Variants in GALNTL6 observed in about 807,000 individuals in gnomAD.
The protein encoded by GALNTL6 is polypeptide N-acetylgalactosaminyltransferase like 6.
A neutral mutation model predicts 73.7 loss-of-function variants in GALNTL6; 46 were observed. The observed-to-expected ratio is 0.62, with a 90% CI of 0.49 to 0.80. GALNTL6 has a LOEUF of 0.80. GALNTL6 is among the 30% of genes least tolerant of loss of function. The probability of loss-of-function intolerance (pLI) is 0.00; values close to 1 mark genes in which losing one functional copy is unlikely to be tolerated. For missense variants in GALNTL6, 604 were observed against 755.0 expected (o/e 0.80, Z 2.34); for synonymous variants, 259 against 263.7 (o/e 0.98, Z 0.17).
chr4:172,334,763 G>T (rs1046752211), intron 4 of GALNTL6, among the ~76,000 whole-genome samples: 1 of 152,094 alleles, frequency 6.6e-6, no homozygotes, highest in African/African-American at 2.4e-5. Flanking sequence ...AGTACATGTT[G>T]AAAAGGAATG....
At chr4:172,963,321 C>T (rs1226253444) in intron 10 of GALNTL6, among the ~76,000 whole-genome samples, 1 of 152,108 alleles carries the variant, frequency 6.6e-6, no homozygotes, top group Non-Finnish European at 1.5e-5. Context: ...GCAACAACAC[C>T]CACACACATC....
intron 10 of GALNTL6, among the ~76,000 whole-genome samples, chr4:172,989,359 T>C (rs886211166): frequency 1.3e-5 from 2 of 152,198 alleles, no homozygotes; most frequent in African/African-American, 4.8e-5. Flanking sequence ...CTTTTGACTA[T>C]GAACTTTTGA....
intron 2 of GALNTL6, among the ~76,000 whole-genome samples, chr4:172,130,152 G>C (rs1733447388): frequency 6.6e-6 from 1 of 150,992 alleles, no homozygotes; most frequent in South Asian, 2.1e-4. Context: ...AGGTTGGACA[G>C]GCAGTTGTTG....
chr4:172,284,709 A>G (rs1579332339), intron 3 of GALNTL6, among the ~76,000 whole-genome samples: 2 of 152,118 alleles, frequency 1.3e-5, no homozygotes, highest in South Asian at 4.1e-4. Context: ...GCATGTGGCT[A>G]TCTAATTTTC....
chr4:172,956,170 T>C (rs1405701132), intron 10 of GALNTL6, among the ~76,000 whole-genome samples: 1 of 152,152 alleles, frequency 6.6e-6, no homozygotes, highest in Non-Finnish European at 1.5e-5. Context: ...GCGATGTTTC[T>C]CAGGGCTGCT....
chr4:171,925,500 A>G (rs1004395547), intron 2 of GALNTL6, among the ~76,000 whole-genome samples: 1 of 152,156 alleles, frequency 6.6e-6, no homozygotes, highest in African/African-American at 2.4e-5. Context: ...TGGGGAAAAA[A>G]CTAGGTGTCT....
intron 5 of GALNTL6, among the ~76,000 whole-genome samples, chr4:172,480,018 T>C (rs1305765492): frequency 6.6e-6 from 1 of 152,208 alleles, no homozygotes; most frequent in Non-Finnish European, 1.5e-5. Flanking sequence ...TGCCCATTTT[T>C]TTACTTAATC....
intron 2 of GALNTL6, among the ~76,000 whole-genome samples, chr4:171,930,175 G>A (rs755828392): frequency 3.3e-5 from 5 of 152,198 alleles, no homozygotes; most frequent in African/African-American, 4.8e-5. Context: ...GAGAGCACAC[G>A]CGACAGCCTG....
chr4:172,409,595 C>G (rs767218324), intron 5 of GALNTL6, among the ~76,000 whole-genome samples: 2 of 151,750 alleles, frequency 1.3e-5, no homozygotes, highest in African/African-American at 4.8e-5. Flanking sequence ...ATAGAAACTT[C>G]GGATATATAA....
At chr4:172,442,770 A>G (rs1731878067) in intron 5 of GALNTL6, among the ~76,000 whole-genome samples, 1 of 152,198 alleles carries the variant, frequency 6.6e-6, no homozygotes, top group East Asian at 1.9e-4. Context: ...AAATATCAGT[A>G]TGATGTGCTA....
At chr4:172,252,625 A>G (rs1435269013) in intron 3 of GALNTL6, among the ~76,000 whole-genome samples, 2 of 152,154 alleles carry the variant, frequency 1.3e-5, no homozygotes, top group Non-Finnish European at 2.9e-5. Context: ...ATTAAAGGAA[A>G]AGATGATAAT....
At chr4:172,552,849 A>AAAAAAAC (rs1553960369) in intron 5 of GALNTL6, among the ~76,000 whole-genome samples, 1 of 150,374 alleles carries the variant, frequency 6.7e-6, no homozygotes, top group Admixed American at 6.6e-5. Flanking sequence ...AAAAAAAAAA[A>AAAAAAAC]AAAAAAAAGG....
chr4:172,163,123 T>C (rs1734523741), intron 2 of GALNTL6, among the ~76,000 whole-genome samples: 1 of 152,076 alleles, frequency 6.6e-6, no homozygotes, highest in African/African-American at 2.4e-5. Flanking sequence ...ACTAACATTG[T>C]AGATTTCATA....
At chr4:172,393,467 C>CT in intron 5 of GALNTL6, among the ~76,000 whole-genome samples, 1 of 152,278 alleles carries the variant, frequency 6.6e-6, no homozygotes, top group African/African-American at 2.4e-5. Flanking sequence ...TCCAACCACT[C>CT]TGAGTAGCAG....
chr4:172,818,563 A>G (rs1741741103), intron 7 of GALNTL6, among the ~76,000 whole-genome samples: 1 of 152,186 alleles, frequency 6.6e-6, no homozygotes, highest in African/African-American at 2.4e-5. Context: ...CTTAAAATAA[A>G]TACATATATA....
chr4:172,809,588 G>T lies in GALNTL6; in HGVS notation c.739+42G>T. The T allele has an allele frequency of 1.3e-6, 2 of 1,494,562 alleles. No homozygotes were observed. The allele number at this position is 1,494,562 out of a possible 1,614,324, so 92.6% of individuals were successfully genotyped here. Reference sequence around the variant, plus strand: ...AAGCACCATCCTGGGATGCCTCAGGGGAACTGAGCGGTTTGCTTCTATTTA... The same window carrying T: ...AAGCACCATCCTGGGATGCCTCAGGTGAACTGAGCGGTTTGCTTCTATTTA... On this transcript the variant is annotated intron_variant, in intron 6 of 12. Transcript: ENST00000506823. This position sits in a 1 kb window ranked among gnomAD's most constrained non-coding sequence, Gnocchi z 4.4.
intron 2 of GALNTL6, among the ~76,000 whole-genome samples, chr4:171,954,961 T>C (rs1187844103): frequency 1.3e-5 from 2 of 152,226 alleles, no homozygotes; most frequent in East Asian, 1.9e-4. Flanking sequence ...CTGCTTCCTG[T>C]AAAGCCTGCT....
intron 5 of GALNTL6, among the ~76,000 whole-genome samples, chr4:172,652,267 T>C (rs1740509573): frequency 6.6e-6 from 1 of 152,178 alleles, no homozygotes. Context: ...CCATTTTTTT[T>C]CCTCAAAAAA....
intron 2 of GALNTL6, among the ~76,000 whole-genome samples, chr4:172,128,304 T>G (rs1733361752): frequency 6.6e-6 from 1 of 152,148 alleles, no homozygotes; most frequent in South Asian, 2.1e-4. Flanking sequence ...AACCAACCTG[T>G]ATAGGATCCC....
Sources: allele counts gnomAD v4.1 joint callset (sites outside exome capture counted in the v4.1 genomes callset), GRCh38; gene constraint gnomAD v4.1.1; non-coding constraint Gnocchi (gnomAD v3.1); transcripts MANE v1.5; gene names NCBI Gene and HGNC (gene_info 2026-07-23, HGNC 2026-07-21).